Variants in HDAC4 observed in about 807,000 individuals in gnomAD.
HDAC4 encodes histone deacetylase 4.
Under a neutral mutation model 135.1 loss-of-function variants are expected in HDAC4, and 16 were observed. That is an observed-to-expected ratio of 0.12 (90% CI 0.08 to 0.18). The LOEUF (loss-of-function observed/expected upper bound fraction) is 0.18. HDAC4 is among the 10% of genes least tolerant of loss of function. The pLI, the probability that HDAC4 is intolerant of heterozygous loss-of-function variation, is 1.00. For missense variants in HDAC4, 1,143 were observed against 1,511.8 expected (o/e 0.76, Z 4.05); for synonymous variants, 685 against 653.4 (o/e 1.05, Z -0.74).
At position 239,303,976 on chromosome 2, in the gene HDAC4, C is replaced by T. The variant is rs2052425581; in HGVS notation, c.22+48702G>A. Among the ~76,000 whole-genome samples the T allele has an allele frequency of 6.6e-6, 1 of 152,172 alleles. No homozygotes were observed. The highest frequency in any genetic ancestry group is 2.4e-5 in the African/African-American group (1 of 41,420). On this transcript the variant is annotated intron_variant, in intron 2 of 26. Transcript: ENST00000543185. The surrounding 1 kb of genome is among the most constrained non-coding windows in gnomAD (Gnocchi z 5.1). The stretch of plus-strand genomic sequence containing the variant: ...AGGCCTCACCAGTCTTCATCTCAGC[C>T]CGCCAGGTCCTCTCGAGCCCCTGGA...
At position 239,144,593 on chromosome 2, in the gene HDAC4, C is replaced by A; in HGVS notation, c.855G>T (p.Leu285Phe). 1.9e-6 allele frequency: 3 copies of A among 1,614,012 alleles called. No individual in the cohort carries two copies. The highest frequency in any genetic ancestry group is 1.7e-6 in the Non-Finnish European group (2 of 1,180,038). The change falls in exon 8 of 27, where the codon TTG (leucine) becomes TTT (phenylalanine). Residue 285 changes from leucine (L) to phenylalanine (F), a missense_variant. This residue lies in a region of HDAC4 where 272 missense variants were observed against 309.7 expected (regional missense o/e 0.88). Coordinates refer to ENST00000543185, the MANE Select transcript of HDAC4 (RefSeq NM_001378414.1). ...GCTCAGCCGACATACCTGTGACATCCAACGGACGCTTTTTTAGAGCAGTGA... is the reference window on the plus strand; with the variant it reads ...GCTCAGCCGACATACCTGTGACATCAAACGGACGCTTTTTTAGAGCAGTGA... The part of the protein sequence containing the change: ...PVVTALKKRP[L>F]DVTDSACSSA...
intron 2 of HDAC4, among the ~76,000 whole-genome samples, chr2:239,249,870 G>C (rs1394651525): frequency 6.6e-6 from 1 of 151,936 alleles, no homozygotes; most frequent in Non-Finnish European, 1.5e-5. Context: ...ATATACATAA[G>C]CAGTGAAGAC....
chr2:239,193,783 G>A (rs985570553), intron 3 of HDAC4, among the ~76,000 whole-genome samples: 2 of 152,272 alleles, frequency 1.3e-5, no homozygotes, highest in East Asian at 1.9e-4. Flanking sequence ...GGCTGGCCGA[G>A]TGGAATTTTC....
At chr2:239,079,803 CGT>C (rs905352775) in intron 22 of HDAC4, among the ~76,000 whole-genome samples, 5 of 151,946 alleles carry the variant, frequency 3.3e-5, no homozygotes, top group African/African-American at 7.3e-5. Context: ...CACAAGCACA[CGT>C]GTGTACTCAT....
intron 4 of HDAC4, among the ~76,000 whole-genome samples, chr2:239,188,395 T>C (rs951842824): frequency 2.6e-5 from 4 of 152,220 alleles, no homozygotes; most frequent in African/African-American, 9.6e-5. Flanking sequence ...AAGAGAATTA[T>C]CAGCTAGGGC....
chr2:239,272,113 T>C (rs1286116565), intron 2 of HDAC4, among the ~76,000 whole-genome samples: 1 of 152,190 alleles, frequency 6.6e-6, no homozygotes, highest in Non-Finnish European at 1.5e-5. Flanking sequence ...ATCTAGCCAT[T>C]AGACACTGCA....
chr2:239,138,279 G>A (rs1369029218), intron 9 of HDAC4, among the ~76,000 whole-genome samples: 1 of 152,178 alleles, frequency 6.6e-6, no homozygotes, highest in East Asian at 1.9e-4. Context: ...GGATTAAGCA[G>A]CCTGGAGACA....
chr2:239,288,506 C>T (rs2051263722), intron 2 of HDAC4, among the ~76,000 whole-genome samples: 1 of 152,124 alleles, frequency 6.6e-6, no homozygotes, highest in African/African-American at 2.4e-5. Flanking sequence ...AGACACTAAA[C>T]TAGCATCGTT....
chr2:239,261,969 G>C (rs752446345), intron 2 of HDAC4, among the ~76,000 whole-genome samples: 3 of 152,212 alleles, frequency 2.0e-5, no homozygotes, highest in Non-Finnish European at 2.9e-5. Flanking sequence ...CTGCCTTCGT[G>C]AGCCCCCGGC....
At chr2:239,282,937 AACAATGTACACACCACTCT>A (rs2050898439) in intron 2 of HDAC4, among the ~76,000 whole-genome samples, 2 of 147,850 alleles carry the variant, frequency 1.4e-5, no homozygotes, top group Non-Finnish European at 3.0e-5. Context: ...CCACTCTGCA[AACAATGTACACACCACTCT>A]ACAATGTACA....
intron 24 of HDAC4, among the ~76,000 whole-genome samples, chr2:239,056,967 A>G (rs2031947486): frequency 6.6e-6 from 1 of 152,224 alleles, no homozygotes; most frequent in Non-Finnish European, 1.5e-5. Flanking sequence ...AAACCATGAA[A>G]GACTGAGAAA....
chr2:239,280,875 C>T (rs372069805), intron 2 of HDAC4, among the ~76,000 whole-genome samples: 224 of 149,706 alleles, frequency 1.5e-3, no homozygotes, highest in African/African-American at 5.4e-3. Context: ...ACAATGTACA[C>T]ACCACTCTCC....
chr2:239,391,171 G>C (rs962088547), intron 1 of HDAC4, among the ~76,000 whole-genome samples: 4 of 152,214 alleles, frequency 2.6e-5, no homozygotes, highest in African/African-American at 9.6e-5. Flanking sequence ...ATACCGGGTA[G>C]GGACGCTGGC....
chr2:239,217,191 T>C (rs1575434931), intron 3 of HDAC4, among the ~76,000 whole-genome samples: 1 of 152,062 alleles, frequency 6.6e-6, no homozygotes, highest in South Asian at 2.1e-4. Flanking sequence ...GCACAGGCGG[T>C]AGCAGGGTCT....
At chr2:239,137,844 G>C (rs2041083274) in intron 9 of HDAC4, among the ~76,000 whole-genome samples, 1 of 152,194 alleles carries the variant, frequency 6.6e-6, no homozygotes, top group African/African-American at 2.4e-5. Flanking sequence ...ATCTGATGTG[G>C]AACATGAACA....
chr2:239,295,565 A>T (rs113460626), intron 2 of HDAC4, among the ~76,000 whole-genome samples: 103 of 152,284 alleles, frequency 6.8e-4, no homozygotes, highest in African/African-American at 2.4e-3. Flanking sequence ...CTCCCTTATC[A>T]TTAGAAAGGA....
chr2:239,200,317 G>A (rs1490851082), intron 3 of HDAC4, among the ~76,000 whole-genome samples: 1 of 152,182 alleles, frequency 6.6e-6, no homozygotes, highest in Non-Finnish European at 1.5e-5. Context: ...TACATGTGAT[G>A]TCATTTTCCC....
chr2:239,357,782 G>A lies in HDAC4; in HGVS notation c.-219-4864C>T, dbSNP rs544812567. On this transcript the variant is annotated intron_variant, in intron 1 of 26. Transcript: ENST00000543185. ...TGCATGCCTGTAGTCCCAGCTACTC[G>A]GGAGGCTGAGGTGGGAGGATCACTT... Among the ~76,000 whole-genome samples the A allele has an allele frequency of 4.6e-5, 7 of 151,028 alleles. 1 individual carries two copies. In the South Asian group the frequency reaches 6.3e-4, roughly 14 times the overall value.
chr2:239,159,179 C>T (rs2042617950), intron 6 of HDAC4, among the ~76,000 whole-genome samples: 1 of 150,696 alleles, frequency 6.6e-6, no homozygotes, highest in Non-Finnish European at 1.5e-5. Context: ...TACTCGCCCC[C>T]AATTCACACT....
Sources: gnomAD v4.1 joint callset for allele counts (sites outside exome capture counted in the v4.1 genomes callset) on GRCh38, gnomAD v4.1.1 for gene constraint, gnomAD v4.1.1 regional missense constraint, Gnocchi (gnomAD v3.1) non-coding constraint, MANE v1.5 for transcripts, NCBI Gene and HGNC (gene_info 2026-07-23, HGNC 2026-07-21) for gene names.